The following LIPA variants were observed in gnomAD, a reference collection of about 807,000 sequenced individuals.
LIPA encodes the protein lipase A, lysosomal acid type, also known as lysosomal acid lipase/cholesteryl ester hydrolase.
A neutral mutation model predicts 40.6 loss-of-function variants in LIPA; 26 were observed. The observed-to-expected ratio is 0.64, with a 90% CI of 0.47 to 0.89. The LOEUF is 0.89. Among genes scored for constraint, LIPA ranks in the 40% least tolerant of loss-of-function variants. The probability of loss-of-function intolerance (pLI) is 0.00; values close to 1 mark genes in which losing one functional copy is unlikely to be tolerated. For missense variants in LIPA, 455 were observed against 479.6 expected (o/e 0.95, Z 0.48); for synonymous variants, 188 against 168.4 (o/e 1.12, Z -0.90).
chr10:89,258,564 T>C (rs1843192388), intron 1 of LIPA, among the ~76,000 whole-genome samples: 1 of 152,170 alleles, frequency 6.6e-6, no homozygotes, highest in Non-Finnish European at 1.5e-5. Context: ...TTGATGAGGA[T>C]GTGGAGAAAT....
At chr10:89,340,418 C>G in intron 1 of LIPA, 2 of 200,090 alleles carry the variant, frequency 1.0e-5, no homozygotes, top group Non-Finnish European at 2.1e-5. Context: ...ATTAGCCAGG[C>G]GTGGTGGCTG....
At chr10:89,247,484 A>T in intron 2 of LIPA, 54 bp downstream of exon 2, 1 of 1,046,702 alleles carries the variant, frequency 9.6e-7, no homozygotes, top group Non-Finnish European at 1.5e-6. Context: ...AGCTCACATA[A>T]CTGGATCGGG....
At chr10:89,316,849 T>C (rs998789793) in intron 1 of LIPA, among the ~76,000 whole-genome samples, 4 of 152,202 alleles carry the variant, frequency 2.6e-5, no homozygotes, top group African/African-American at 9.6e-5. Flanking sequence ...TGACACCTCA[T>C]ACGGCAGAGT....
chr10:89,377,449 C>T (rs1452058235), intron 2 of LIPA, among the ~76,000 whole-genome samples: 1 of 152,176 alleles, frequency 6.6e-6, no homozygotes, highest in African/African-American at 2.4e-5. Flanking sequence ...CTTGAATAGG[C>T]TCCACTATAG....
intron 1 of LIPA, chr10:89,301,879 G>C: frequency 2.5e-6 from 1 of 406,296 alleles, no homozygotes; most frequent in Non-Finnish European, 4.5e-6. Context: ...CTCAGCTCCG[G>C]AGGAAAAAGA....
At chr10:89,408,890 C>T (rs1841446842) in intron 2 of LIPA, among the ~76,000 whole-genome samples, 1 of 152,154 alleles carries the variant, frequency 6.6e-6, no homozygotes, top group South Asian at 2.1e-4. Context: ...GCAAGCCATC[C>T]CCATTATGGA....
At chr10:89,410,221 T>G (rs1335014516) in intron 2 of LIPA, among the ~76,000 whole-genome samples, 1 of 152,160 alleles carries the variant, frequency 6.6e-6, no homozygotes, top group Admixed American at 6.5e-5. Context: ...TGGATACTCA[T>G]GATGTAAATG....
chr10:89,311,396 G>A (rs1027880960), intron 1 of LIPA, among the ~76,000 whole-genome samples: 16 of 151,794 alleles, frequency 1.1e-4, no homozygotes, highest in African/African-American at 2.9e-4. Context: ...CAGGCATGGC[G>A]GTGTGTGCCT....
intron 1 of LIPA, chr10:89,339,687 T>G: frequency 6.2e-7 from 1 of 1,614,214 alleles, no homozygotes; most frequent in Non-Finnish European, 8.5e-7. Flanking sequence ...CGGAATGTTA[T>G]CAGACACCAT....
chr10:89,277,934 C>T (rs1482131388), intron 1 of LIPA: 1 of 152,090 alleles, frequency 6.6e-6, no homozygotes, highest in Non-Finnish European at 1.5e-5. Context: ...GCTCACTTAC[C>T]TAAATTACAA....
chr10:89,376,638 G>C (rs963068401), intron 2 of LIPA, among the ~76,000 whole-genome samples: 11 of 152,186 alleles, frequency 7.2e-5, no homozygotes, highest in Admixed American at 2.6e-4. Flanking sequence ...TCTGAGTGCA[G>C]ACAAAAATAC....
rs181145553 is a variant in LIPA at position 89,215,805 on chromosome 10, G to A, written c.966+133C>T. ...CTTGGATTGTTCTGAATGGACTGAT[G>A]GAAAACAAACACTAGTCAACTCCTG... On this transcript the variant is annotated intron_variant, in intron 9 of 9. Transcript: ENST00000336233. 7.9e-5 allele frequency: 61 copies of A among 771,596 alleles called. 1 individual carries two copies. The highest frequency in any genetic ancestry group is 7.3e-4 in the African/African-American group (43 of 58,610). The allele number at this position is 771,596 out of a possible 1,614,324, so 47.8% of individuals were successfully genotyped here. A position where few individuals can be genotyped will look rare whatever the true frequency, so the allele number is the denominator to read the frequency against.
chr10:89,269,060 C>T (rs1340311972), intron 1 of LIPA, among the ~76,000 whole-genome samples: 1 of 150,706 alleles, frequency 6.6e-6, no homozygotes, highest in East Asian at 2.0e-4. Context: ...CACGGTGGTT[C>T]ACACCTCTAA....
intron 1 of LIPA, among the ~76,000 whole-genome samples, chr10:89,271,627 G>T (rs1843266068): frequency 6.6e-6 from 1 of 152,176 alleles, no homozygotes; most frequent in African/African-American, 2.4e-5. Context: ...ATATTAAAAT[G>T]AAAACAATTC....
At chr10:89,405,465 T>C (rs1844515128) in intron 2 of LIPA, 1 of 152,254 alleles carries the variant, frequency 6.6e-6, no homozygotes, top group African/African-American at 2.4e-5. Context: ...TTTTAGTGGC[T>C]GTAACAAATT....
chr10:89,251,496 G>A (rs955100006), intron 1 of LIPA, among the ~76,000 whole-genome samples: 1 of 96,298 alleles, frequency 1.0e-5, no homozygotes, highest in Non-Finnish European at 2.1e-5. Flanking sequence ...CAGCGCCCAG[G>A]GAAGAGAGTG....
chr10:89,363,538 G>A (rs923739249), intron 2 of LIPA: 1 of 152,248 alleles, frequency 6.6e-6, no homozygotes, highest in Non-Finnish European at 1.5e-5. Flanking sequence ...AGCACTTTGG[G>A]AGGCCAAGAT....
chr10:89,298,563 T>C (rs959014235), intron 1 of LIPA, among the ~76,000 whole-genome samples: 1 of 152,190 alleles, frequency 6.6e-6, no homozygotes, highest in Non-Finnish European at 1.5e-5. Context: ...AAGAAGTGAC[T>C]ATTATATTAG....
At chr10:89,329,793 C>T (rs1471540928) in intron 1 of LIPA, among the ~76,000 whole-genome samples, 1 of 152,124 alleles carries the variant, frequency 6.6e-6, no homozygotes, top group East Asian at 1.9e-4. Context: ...GTGAAGAGAC[C>T]ACCAAACAGG....
Sources: allele counts gnomAD v4.1 joint callset (sites outside exome capture counted in the v4.1 genomes callset), GRCh38; gene constraint gnomAD v4.1.1; transcripts MANE v1.5; gene names NCBI Gene and HGNC (gene_info 2026-07-23, HGNC 2026-07-21).